Variants in MYO16 observed in about 807,000 individuals in gnomAD.
MYO16 encodes the protein myosin XVI.
MYO16 carries 94 observed loss-of-function variants against 205.3 expected under a neutral mutation model. The observed-to-expected ratio is 0.46, with a 90% confidence interval of 0.39 to 0.54. MYO16 has a LOEUF of 0.54. MYO16 is among the 20% of genes least tolerant of loss of function. The pLI is 0.00. For missense variants in MYO16, 2,315 were observed against 2,387.5 expected (o/e 0.97, Z 0.63); for synonymous variants, 988 against 954.0 (o/e 1.04, Z -0.66).
At chr13:108,703,447 G>A (rs1212019302) in intron 2 of MYO16, among the ~76,000 whole-genome samples, 1 of 152,044 alleles carries the variant, frequency 6.6e-6, no homozygotes, top group East Asian at 1.9e-4. Context: ...AGAATTAAAA[G>A]GAAAAATAGA....
chr13:108,946,390 T>C (rs1366202508), intron 16 of MYO16, among the ~76,000 whole-genome samples: 1 of 152,218 alleles, frequency 6.6e-6, no homozygotes, highest in African/African-American at 2.4e-5. Context: ...TATGGACTTA[T>C]CAGCCAGCTA....
At chr13:108,729,794 C>CCCTTCCTCCA (rs1185834393) in intron 4 of MYO16, among the ~76,000 whole-genome samples, 3,151 of 152,296 alleles carry the variant, frequency 0.021, 105 homozygotes, top group African/African-American at 0.07. Flanking sequence ...TTCCTCCATT[C>CCCTTCCTCCA]TGAATGTAGC....
intron 12 of MYO16, among the ~76,000 whole-genome samples, chr13:108,869,586 C>T (rs1473934867): frequency 6.6e-6 from 1 of 150,792 alleles, no homozygotes; most frequent in Admixed American, 6.6e-5. Context: ...AAAAAGTTAG[C>T]CGGGCGTCGT....
In MYO16 at chr13:108,675,003, C is replaced by T. The variant is rs537769221; in HGVS notation, c.292+8854C>T. On this transcript the variant is annotated intron_variant, in intron 2 of 34. Coordinates refer to ENST00000457511, the MANE Select transcript of MYO16 (RefSeq NM_001198950.3). Reference sequence around the variant, plus strand: ...GAGAGGGAAGTGGCAGCTTCATCAGCGTCACTCCCATTTCATTAACTGCTC... The same window carrying T: ...GAGAGGGAAGTGGCAGCTTCATCAGTGTCACTCCCATTTCATTAACTGCTC... 4.6e-5 allele frequency among the ~76,000 whole-genome samples: 7 copies of T among 152,298 alleles called. No homozygotes were observed. In the South Asian group the frequency reaches 1.0e-3, roughly 23 times the overall value.
intron 12 of MYO16, among the ~76,000 whole-genome samples, chr13:108,880,695 G>T (rs999540586): frequency 9.9e-5 from 15 of 152,140 alleles, no homozygotes; most frequent in African/African-American, 3.1e-4. Flanking sequence ...TTATTTCCGG[G>T]GGCTCTATTC....
intron 1 of MYO16, among the ~76,000 whole-genome samples, chr13:108,602,101 G>GAA (rs11478461): frequency 5.1e-5 from 6 of 118,032 alleles, no homozygotes; most frequent in African/African-American, 1.3e-4. Context: ...AGGATATGAT[G>GAA]AAAAAAAAAA....
rs67321937 is a variant in MYO16 at position 109,010,957 on chromosome 13, T to TTATATATATATATATATA, written c.2595+1910_2595+1927dup. 2.4e-3 allele frequency among the ~76,000 whole-genome samples: 289 copies of TTATATATATATATATATA among 118,548 alleles called. 11 individuals carry two copies. The highest frequency in any genetic ancestry group is 5.8e-3 in the African/African-American group (186 of 32,256). 77.8% of individuals were successfully genotyped at this position (118,548 alleles called of 152,430 possible). A position where few individuals can be genotyped will look rare whatever the true frequency, so the allele number is the denominator to read the frequency against. On this transcript the variant is annotated intron_variant, in intron 22 of 34. Transcript: ENST00000457511. Reference sequence around the variant, plus strand: ...TCTATTATATATATTACATATAATATTATATATATATATATATATTTCTTC... The same window carrying TTATATATATATATATATA: ...TCTATTATATATATTACATATAATATTATATATATATATATATATATATATATATATATATATTTCTTC...
intron 1 of MYO16, among the ~76,000 whole-genome samples, chr13:108,598,548 T>A (rs576611802): frequency 2.8e-4 from 42 of 152,340 alleles, no homozygotes; most frequent in African/African-American, 9.9e-4. Flanking sequence ...TTTGTTTGTA[T>A]TTTAGCTGCT....
intron 32 of MYO16, among the ~76,000 whole-genome samples, chr13:109,159,204 A>G (rs1878239395): frequency 6.6e-6 from 1 of 152,240 alleles, no homozygotes; most frequent in Admixed American, 6.5e-5. Context: ...ATTGCATAAA[A>G]GAAAATATTC....
chr13:109,111,541 T>C (rs9555558), intron 28 of MYO16, among the ~76,000 whole-genome samples: 29,063 of 152,154 alleles, frequency 0.19, 3,550 homozygotes, highest in East Asian at 0.58. Context: ...ACTAGGGCTG[T>C]TTTTAGAGCA....
At chr13:108,917,591 G>A (rs1483452643) in intron 16 of MYO16, among the ~76,000 whole-genome samples, 1 of 107,492 alleles carries the variant, frequency 9.3e-6, no homozygotes, top group Admixed American at 9.4e-5. Flanking sequence ...GCCTATAGAT[G>A]AATATTGCAA....
Position 109,125,416 on chromosome 13 carries a change from G to A in MYO16, c.3782+58G>A. The A allele has an allele frequency of 1.3e-5, 20 of 1,594,050 alleles. No homozygotes were observed. The highest frequency in any genetic ancestry group is 1.7e-5 in the Non-Finnish European group (20 of 1,168,198). Reference sequence around the variant, plus strand: ...TTTGTGATTGGTTCAGTGGAGTCATGAAAATTCAAATAGCCCTTAATGCAG... The same window carrying A: ...TTTGTGATTGGTTCAGTGGAGTCATAAAAATTCAAATAGCCCTTAATGCAG... On this transcript the variant is annotated intron_variant, in intron 30 of 34. Transcript: ENST00000457511. The surrounding 1 kb of genome is among the most constrained non-coding windows in gnomAD (Gnocchi z 4.0).
the MYO16 span, among the ~76,000 whole-genome samples, chr13:108,564,293 C>T: frequency 1.3e-5 from 2 of 151,702 alleles, no homozygotes; most frequent in Non-Finnish European, 1.5e-5. Context: ...GCTTCAGCAT[C>T]CCAAGTAGCT....
intron 17 of MYO16, among the ~76,000 whole-genome samples, chr13:108,960,420 T>C (rs1160816718): frequency 1.3e-5 from 2 of 152,214 alleles, no homozygotes; most frequent in Admixed American, 1.3e-4. Flanking sequence ...CATTTTTATA[T>C]GTATATCACT....
chr13:108,884,266 C>T (rs1371108197), intron 13 of MYO16, among the ~76,000 whole-genome samples: 1 of 152,166 alleles, frequency 6.6e-6, no homozygotes, highest in East Asian at 1.9e-4. Context: ...ATCAAAAATT[C>T]TATGGAGGGT....
intron 28 of MYO16, among the ~76,000 whole-genome samples, chr13:109,113,015 GTA>G (rs528149752): frequency 2.6e-5 from 4 of 152,188 alleles, no homozygotes; most frequent in Non-Finnish European, 5.9e-5. Flanking sequence ...CTGTAGAGAT[GTA>G]TACAAGGTAC....
intron 7 of MYO16, among the ~76,000 whole-genome samples, chr13:108,809,570 G>C (rs1363101921): frequency 1.3e-5 from 2 of 152,110 alleles, no homozygotes; most frequent in South Asian, 4.1e-4. Flanking sequence ...TATGCTTCGG[G>C]CGGGCAGCAG....
intron 16 of MYO16, among the ~76,000 whole-genome samples, chr13:108,930,781 AAT>A (rs779023371): frequency 1.3e-5 from 2 of 152,242 alleles, no homozygotes; most frequent in Non-Finnish European, 2.9e-5. Flanking sequence ...ATTTGTAAAT[AAT>A]ATGTTTGTCC....
intron 16 of MYO16, among the ~76,000 whole-genome samples, chr13:108,911,345 T>C (rs916789167): frequency 1.3e-5 from 2 of 151,870 alleles, no homozygotes; most frequent in African/African-American, 4.8e-5. Context: ...TAAATGAGGG[T>C]TGGGGAACAG....
Sources: allele counts gnomAD v4.1 joint callset (sites outside exome capture counted in the v4.1 genomes callset), GRCh38; gene constraint gnomAD v4.1.1; non-coding constraint Gnocchi (gnomAD v3.1); transcripts MANE v1.5; gene names NCBI Gene and HGNC (gene_info 2026-07-23, HGNC 2026-07-21).